PTCSC3: variants seen among roughly 807,000 people sequenced by gnomAD.
PTCSC3 encodes the protein papillary thyroid carcinoma susceptibility candidate 3, also known as papillary thyroid carcinoma susceptibility candidate 3 (non-protein coding).
chr14:36,135,243 G>A (rs1235597429), downstream of PTCSC3, among the ~76,000 whole-genome samples: 1 of 152,158 alleles, frequency 6.6e-6, no homozygotes, highest in Non-Finnish European at 1.5e-5. Flanking sequence ...AAAAAAGGAA[G>A]CATATCTTAA....
chr14:36,137,053 G>GA (rs397852003), intron 3 of PTCSC3, among the ~76,000 whole-genome samples: 3 of 111,266 alleles, frequency 2.7e-5, no homozygotes, highest in African/African-American at 8.8e-5. Flanking sequence ...AAGTGTTATA[G>GA]AAAAAAAAGC....
intron 2 of PTCSC3, among the ~76,000 whole-genome samples, chr14:36,162,217 C>G (rs111771478): frequency 7.5e-6 from 1 of 132,538 alleles, no homozygotes; most frequent in Non-Finnish European, 1.5e-5. Context: ...GGGGAGTGAA[C>G]AGTTCTGTCT....
At chr14:36,139,128 A>AT (rs990964612) in intron 3 of PTCSC3, among the ~76,000 whole-genome samples, 5 of 151,182 alleles carry the variant, frequency 3.3e-5, no homozygotes, top group Non-Finnish European at 7.4e-5. Context: ...ATAAAAAAAA[A>AT]AAAAAAAAAA....
At chr14:36,148,009 A>C (rs963538991) in intron 3 of PTCSC3, among the ~76,000 whole-genome samples, 2 of 152,184 alleles carry the variant, frequency 1.3e-5, no homozygotes, top group African/African-American at 4.8e-5. Flanking sequence ...TTGAGGAGGC[A>C]GTCTGCCCAT....
intron 3 of PTCSC3, among the ~76,000 whole-genome samples, chr14:36,137,902 GA>G (rs1164805585): frequency 2.0e-5 from 3 of 152,128 alleles, no homozygotes; most frequent in Non-Finnish European, 4.4e-5. Context: ...GAGTTCAGAG[GA>G]AGAATCAGAA....
chr14:36,146,853 G>A (rs1000114180), intron 3 of PTCSC3, among the ~76,000 whole-genome samples: 4 of 149,752 alleles, frequency 2.7e-5, no homozygotes, highest in Admixed American at 6.7e-5. Context: ...TTTAGGGCAG[G>A]CCTGGTGGTG....
intron 2 of PTCSC3, among the ~76,000 whole-genome samples, chr14:36,162,356 G>T (rs1594454393): frequency 6.6e-6 from 1 of 151,778 alleles, no homozygotes; most frequent in Non-Finnish European, 1.5e-5. Context: ...GTCCCTTGTG[G>T]TGTAGGCACT....
At chr14:36,163,189 A>G (rs1380156058) in intron 1 of PTCSC3, among the ~76,000 whole-genome samples, 4 of 152,144 alleles carry the variant, frequency 2.6e-5, no homozygotes, top group African/African-American at 9.7e-5. Flanking sequence ...CTGGGGCAAT[A>G]TAGCAAGAGT....
At chr14:36,157,605 C>A (rs182764970) in intron 2 of PTCSC3, among the ~76,000 whole-genome samples, 1 of 152,040 alleles carries the variant, frequency 6.6e-6, no homozygotes, top group East Asian at 1.9e-4. Context: ...CAGTTTTCTG[C>A]GTATGGCTAG....
At chr14:36,174,259 T>A (rs944842515) in intron 1 of PTCSC3, among the ~76,000 whole-genome samples, 1 of 152,148 alleles carries the variant, frequency 6.6e-6, no homozygotes, top group African/African-American at 2.4e-5. Flanking sequence ...ACTCTGCTTA[T>A]TTTTCTTCTC....
chr14:36,155,619 C>T (rs1881810343), intron 2 of PTCSC3, among the ~76,000 whole-genome samples: 3 of 151,900 alleles, frequency 2.0e-5, no homozygotes, highest in South Asian at 4.2e-4. Flanking sequence ...AAATTTCAAC[C>T]GATCTGCGCA....
chr14:36,138,243 C>A (rs545955476), intron 3 of PTCSC3, among the ~76,000 whole-genome samples: 1 of 152,156 alleles, frequency 6.6e-6, no homozygotes, highest in Admixed American at 6.5e-5. Flanking sequence ...TAGACCTAAG[C>A]ATCAGATCTG....
At chr14:36,141,282 G>C (rs1881414608) in intron 3 of PTCSC3, among the ~76,000 whole-genome samples, 1 of 152,006 alleles carries the variant, frequency 6.6e-6, no homozygotes, top group African/African-American at 2.4e-5. Context: ...AGCTTGCTAG[G>C]AATTTGATTT....
At chr14:36,156,519 C>T (rs901424833) in intron 2 of PTCSC3, among the ~76,000 whole-genome samples, 1 of 152,116 alleles carries the variant, frequency 6.6e-6, no homozygotes, top group African/African-American at 2.4e-5. Context: ...CCCATCCGCC[C>T]GTCATCTACA....
At chr14:36,137,343 C>T (rs1284123463) in intron 3 of PTCSC3, among the ~76,000 whole-genome samples, 2 of 152,050 alleles carry the variant, frequency 1.3e-5, no homozygotes, top group Admixed American at 6.6e-5. Context: ...TCAAGGGGAC[C>T]GTATTCTGGA....
intron 3 of PTCSC3, among the ~76,000 whole-genome samples, chr14:36,145,411 T>G (rs1342098193): frequency 1.3e-5 from 2 of 150,700 alleles, no homozygotes; most frequent in African/African-American, 4.9e-5. Context: ...GTTGAGGAAT[T>G]TATCCATTTC....
intron 3 of PTCSC3, chr14:36,136,495 T>C (rs1881290354): frequency 1.3e-5 from 2 of 152,124 alleles, no homozygotes; most frequent in Non-Finnish European, 2.9e-5. Context: ...TAAGAAGATA[T>C]GATTATGAGG....
chr14:36,172,455 G>C (rs1882208570), intron 1 of PTCSC3, among the ~76,000 whole-genome samples: 1 of 151,848 alleles, frequency 6.6e-6, no homozygotes, highest in Non-Finnish European at 1.5e-5. Context: ...TTAATTTCTA[G>C]AGCATAAAAA....
At chr14:36,170,750 T>A (rs1272944504) in intron 1 of PTCSC3, among the ~76,000 whole-genome samples, 1 of 152,122 alleles carries the variant, frequency 6.6e-6, no homozygotes, top group Non-Finnish European at 1.5e-5. Context: ...ATGTCTAGTG[T>A]GGTCTAGGAA....
Sources: gnomAD v4.1 joint callset for allele counts (sites outside exome capture counted in the v4.1 genomes callset) on GRCh38, gnomAD v4.1.1 for gene constraint, MANE v1.5 for transcripts, NCBI Gene and HGNC (gene_info 2026-07-23, HGNC 2026-07-21) for gene names.